The following APPL2 variants were observed in gnomAD, a reference collection of about 807,000 sequenced individuals.
The protein encoded by APPL2 is adaptor protein, phosphotyrosine interacting with PH domain and leucine zipper 2.
APPL2 carries 84 observed loss-of-function variants against 92.7 expected under a neutral mutation model. The ratio of observed to expected loss-of-function variants is 0.91; its 90% CI spans 0.76 to 1.09. The LOEUF (loss-of-function observed/expected upper bound fraction) is 1.09, where lower values mean the gene tolerates loss of function less well. Among genes scored for constraint, APPL2 ranks in the 50% least tolerant of loss-of-function variants. The pLI is 0.00. For synonymous variants in APPL2, 291 were observed against 291.0 expected, an observed-to-expected ratio of 1.00 and a Z score of 0.00; for missense variants, 736 against 824.5, an observed-to-expected ratio of 0.89 and a Z score of 1.31.
At chr12:105,230,981 G>A (rs1592844696) in intron 1 of APPL2, among the ~76,000 whole-genome samples, 1 of 152,248 alleles carries the variant, frequency 6.6e-6, no homozygotes, top group African/African-American at 2.4e-5. Context: ...CATAATCACA[G>A]TATGAAATAC....
chr12:105,205,092 G>GCTA lies in APPL2; in HGVS notation c.622-1310_622-1308dup, dbSNP rs1405498733. Among the ~76,000 whole-genome samples, 3 of 152,172 alleles carry GCTA rather than the reference G, an allele frequency of 2.0e-5. No individual in the cohort carries two copies. In the East Asian group the frequency reaches 5.8e-4, roughly 29 times the overall value. On this transcript the variant is annotated intron_variant, in intron 8 of 20. Transcript: ENST00000258530. ...ACTGCCTTAGTGAGCAGCAGGAAGTGCTATGTTCATGGAAAAATCAGCTCA... is the reference window on the plus strand; with the variant it reads ...ACTGCCTTAGTGAGCAGCAGGAAGTGCTACTATGTTCATGGAAAAATCAGCTCA...
intron 14 of APPL2, 122 bp from the exon 15 acceptor site, chr12:105,190,277 T>A: frequency 9.5e-7 from 1 of 1,052,186 alleles, no homozygotes; most frequent in South Asian, 1.6e-5. Flanking sequence ...CTCAATCCCT[T>A]AATCCATTCT....
chr12:105,176,996 T>A lies in APPL2; in HGVS notation c.1692A>T (p.Thr564=), dbSNP rs781552911. 4.3e-6 allele frequency: 7 copies of A among 1,614,094 alleles called. No individual in the cohort carries two copies. Among genetic ancestry groups the A allele is most frequent in the Non-Finnish European group, 5.9e-6 (7 of 1,180,000 alleles). Residue 564 remains threonine, a synonymous_variant, in exon 19 of 21, where the codon ACA becomes ACT. Coordinates refer to ENST00000258530, the MANE Select transcript of APPL2 (RefSeq NM_018171.5). Reference sequence around the variant, plus strand: ...TGTTTTCTTGATGAGCAGCAAATTGTGTGACACTGGTAAGTTCAAACTGGG... The same window carrying A: ...TGTTTTCTTGATGAGCAGCAAATTGAGTGACACTGGTAAGTTCAAACTGGG... ...SRANFELTSV[T]QFAAHQENKR...
intron 9 of APPL2, among the ~76,000 whole-genome samples, chr12:105,201,231 T>C (rs902413557): frequency 7.2e-5 from 11 of 152,140 alleles, no homozygotes; most frequent in Admixed American, 6.5e-4. Flanking sequence ...TTAATGCAGC[T>C]CGATTTTGGC....
At chr12:105,207,252 T>C in intron 7 of APPL2, 45 bp from the exon 8 acceptor site, 1 of 1,563,048 alleles carries the variant, frequency 6.4e-7, no homozygotes, top group South Asian at 1.2e-5. Flanking sequence ...CTACTGTACG[T>C]GACAATTCTG....
At chr12:105,230,299 C>T (rs112819754) in intron 1 of APPL2, among the ~76,000 whole-genome samples, 84 of 152,242 alleles carry the variant, frequency 5.5e-4, no homozygotes, top group African/African-American at 1.6e-3. Flanking sequence ...TTTTCATCCA[C>T]GGTGCTCAGA....
At position 105,197,761 on chromosome 12, in the gene APPL2, A is replaced by G. The variant is rs754583701; in HGVS notation, c.1052+4T>C. 5.6e-6 allele frequency: 9 copies of G among 1,614,082 alleles called. No homozygotes were observed. In the Admixed American group the frequency reaches 6.7e-5, roughly 12 times the overall value. ...TCCTCCCAAATAAAACGCGTGAAACATACGATTTTCCATTGGGCGTGGTGA... is the reference window on the plus strand; with the variant it reads ...TCCTCCCAAATAAAACGCGTGAAACGTACGATTTTCCATTGGGCGTGGTGA... On this transcript the variant is annotated splice_donor_region_variant and intron_variant, in intron 11 of 20. Coordinates refer to ENST00000258530, the MANE Select transcript of APPL2 (RefSeq NM_018171.5).
rs372242694 is a variant in APPL2, at chr12:105,174,432, G to A, written c.1877C>T (p.Ala626Val). The A allele has an allele frequency of 1.1e-5, 17 of 1,612,952 alleles. No individual in the cohort carries two copies. In the African/African-American group the frequency reaches 2.3e-4, roughly 22 times the overall value. Residue 626 changes from alanine to valine, a missense_variant, in exon 21 of 21, where the codon GCT (alanine) becomes GTT (valine). Ala to Val is a moderately conservative substitution (Grantham distance 64). Transcript: ENST00000258530. ...IEVQKDPEAL[A>V]QLMLSIPLTN... ...TAGTGGTATGGACAGCATTAATTGA[G>A]CCAGTGCTTCTGGATCCTGAAGTTA...
chr12:105,225,448 A>G (rs181014052), intron 2 of APPL2, among the ~76,000 whole-genome samples: 1 of 152,372 alleles, frequency 6.6e-6, no homozygotes, highest in Admixed American at 6.5e-5. Context: ...TTAGGAAAGA[A>G]GAATATTATG....
chr12:105,177,589 A>C, intron 17 of APPL2: 1 of 247,660 alleles, frequency 4.0e-6, no homozygotes, highest in Non-Finnish European at 7.8e-6. Flanking sequence ...TATTCTGTAC[A>C]GCCTCCCTCT....
chr12:105,235,893 CG>C, intron 1 of APPL2, 65 bp downstream of exon 1: 1 of 1,206,070 alleles, frequency 8.3e-7, no homozygotes, highest in Non-Finnish European at 1.0e-6. Context: ...GCCTCCACTC[CG>C]GGGCTGGAGG....
At chr12:105,202,284 C>T (rs540179263) in intron 9 of APPL2, among the ~76,000 whole-genome samples, 16 of 152,186 alleles carry the variant, frequency 1.1e-4, no homozygotes, top group Admixed American at 6.5e-4. Context: ...CGTTAATGCC[C>T]GGGTTGTGGT....
At chr12:105,210,249 T>C (rs1426869898) in intron 5 of APPL2, among the ~76,000 whole-genome samples, 3 of 152,148 alleles carry the variant, frequency 2.0e-5, no homozygotes, top group African/African-American at 4.8e-5. Flanking sequence ...CGTGAGCCAC[T>C]GTGCCCGGCC....
intron 17 of APPL2, among the ~76,000 whole-genome samples, chr12:105,180,383 G>A (rs1386402115): frequency 6.6e-6 from 1 of 152,124 alleles, no homozygotes; most frequent in Non-Finnish European, 1.5e-5. Context: ...CTGTAGCCTT[G>A]TAGTATAGTT....
intron 17 of APPL2, among the ~76,000 whole-genome samples, chr12:105,181,526 G>C (rs1051538560): frequency 6.6e-6 from 1 of 152,156 alleles, no homozygotes; most frequent in Non-Finnish European, 1.5e-5. Context: ...AATAGTTTTA[G>C]AAGGAATGGT....
At chr12:105,216,324 G>C (rs1349441982) in intron 4 of APPL2, among the ~76,000 whole-genome samples, 2 of 151,904 alleles carry the variant, frequency 1.3e-5, no homozygotes, top group Non-Finnish European at 2.9e-5. Flanking sequence ...GCCAGCCTGG[G>C]CAACAAAGCA....
chr12:105,198,026 G>T, intron 10 of APPL2, 73 bp from the exon 11 acceptor site: 1 of 1,447,602 alleles, frequency 6.9e-7, no homozygotes, highest in Non-Finnish European at 9.5e-7. Flanking sequence ...TTGCTACCTC[G>T]TTATGGGTAC....
chr12:105,186,195 T>C (rs1886594492), intron 17 of APPL2, among the ~76,000 whole-genome samples: 2 of 151,808 alleles, frequency 1.3e-5, no homozygotes, highest in African/African-American at 4.9e-5. Flanking sequence ...GGATTTCAGC[T>C]TTTTTTTCAG....
chr12:105,225,404 T>C (rs958180293), intron 2 of APPL2, among the ~76,000 whole-genome samples: 8 of 151,976 alleles, frequency 5.3e-5, no homozygotes, highest in Admixed American at 1.3e-4. Flanking sequence ...CCCTAACAAA[T>C]CCATTTTAAA....
Sources: allele counts gnomAD v4.1 joint callset (sites outside exome capture counted in the v4.1 genomes callset), GRCh38; gene constraint gnomAD v4.1.1; transcripts MANE v1.5; gene names NCBI Gene and HGNC (gene_info 2026-07-23, HGNC 2026-07-21).